The following DGKI variants were observed in gnomAD, a reference collection of about 807,000 sequenced individuals.
The protein encoded by DGKI is DAG kinase iota.
Under a neutral mutation model 147.5 loss-of-function variants are expected in DGKI, and 55 were observed. The observed-to-expected ratio is 0.37, with a 90% confidence interval of 0.30 to 0.47. DGKI has a LOEUF of 0.47. Among genes scored for constraint, DGKI ranks in the 20% least tolerant of loss-of-function variants. The pLI is 1.00. For synonymous variants in DGKI, 469 were observed against 477.1 expected (o/e 0.98, Z 0.22); for missense variants, 1,007 against 1,323.8 (o/e 0.76, Z 3.71).
intron 27 of DGKI, among the ~76,000 whole-genome samples, chr7:137,460,599 T>G (rs1378790273): frequency 6.6e-6 from 1 of 152,208 alleles, no homozygotes; most frequent in Admixed American, 6.5e-5. Context: ...TGCATTATAC[T>G]TACCAGTTGA....
At chr7:137,480,762 A>T (rs1048409897) in intron 23 of DGKI, among the ~76,000 whole-genome samples, 1 of 152,128 alleles carries the variant, frequency 6.6e-6, no homozygotes, top group Non-Finnish European at 1.5e-5. Flanking sequence ...CTATTTTTGC[A>T]ACTACAGGTG....
At chr7:137,443,811 C>A (rs1383415390) in intron 28 of DGKI, among the ~76,000 whole-genome samples, 1 of 152,196 alleles carries the variant, frequency 6.6e-6, no homozygotes, top group Non-Finnish European at 1.5e-5. Flanking sequence ...CAAAAAGTTT[C>A]TGCTGATGGG....
intron 28 of DGKI, among the ~76,000 whole-genome samples, chr7:137,429,085 A>G (rs1281484300): frequency 7.9e-5 from 12 of 151,848 alleles, no homozygotes; most frequent in Non-Finnish European, 1.5e-4. Context: ...AAAAGAGCCC[A>G]CATCACCAAG....
At chr7:137,438,651 A>T (rs1813374836) in intron 28 of DGKI, among the ~76,000 whole-genome samples, 1 of 152,194 alleles carries the variant, frequency 6.6e-6, no homozygotes, top group South Asian at 2.1e-4. Context: ...CAAGAGCAAA[A>T]CAAAAACAAA....
At chr7:137,751,641 A>G (rs1232746132) in intron 1 of DGKI, among the ~76,000 whole-genome samples, 6 of 152,214 alleles carry the variant, frequency 3.9e-5, no homozygotes, top group Non-Finnish European at 8.8e-5. Flanking sequence ...GTAAAGGAAA[A>G]GACTAAATTA....
At chr7:137,795,299 C>T (rs760198989) in intron 1 of DGKI, among the ~76,000 whole-genome samples, 1 of 152,196 alleles carries the variant, frequency 6.6e-6, no homozygotes, top group East Asian at 1.9e-4. Context: ...GCTGTGAAAA[C>T]CAGTGGCCTA....
chr7:137,435,437 G>A (rs567300102), intron 28 of DGKI, among the ~76,000 whole-genome samples: 2 of 152,272 alleles, frequency 1.3e-5, no homozygotes, highest in South Asian at 2.1e-4. Flanking sequence ...GAAGGTGCCT[G>A]CCAGAGAGAT....
chr7:137,460,475 T>C (rs1191313119), intron 27 of DGKI, among the ~76,000 whole-genome samples: 3 of 152,198 alleles, frequency 2.0e-5, no homozygotes, highest in South Asian at 2.1e-4. Flanking sequence ...TTCCAAAATA[T>C]ATGCATTATA....
intron 1 of DGKI, among the ~76,000 whole-genome samples, chr7:137,799,974 G>A (rs933464904): frequency 2.6e-5 from 4 of 152,060 alleles, no homozygotes; most frequent in Non-Finnish European, 5.9e-5. Flanking sequence ...TTTTCAGTAC[G>A]GTTCTCTCTA....
At chr7:137,523,156 G>C (rs1585196821) in intron 20 of DGKI, among the ~76,000 whole-genome samples, 1 of 152,058 alleles carries the variant, frequency 6.6e-6, no homozygotes, top group East Asian at 1.9e-4. Context: ...ATACATGAAA[G>C]AAGGGAATAC....
chr7:137,813,376 A>T (rs934787210), intron 1 of DGKI, among the ~76,000 whole-genome samples: 1 of 152,160 alleles, frequency 6.6e-6, no homozygotes, highest in Non-Finnish European at 1.5e-5. Context: ...GATGAACCCA[A>T]TGTTCATATT....
At chr7:137,554,826 A>T (rs1818166769) in intron 19 of DGKI, among the ~76,000 whole-genome samples, 1 of 151,864 alleles carries the variant, frequency 6.6e-6, no homozygotes, top group Non-Finnish European at 1.5e-5. Flanking sequence ...AGCGCAAGAG[A>T]TCATCTGCTT....
chr7:137,515,725 C>T (rs188309833), intron 21 of DGKI, among the ~76,000 whole-genome samples: 1 of 152,196 alleles, frequency 6.6e-6, no homozygotes, highest in Non-Finnish European at 1.5e-5. Context: ...ATGGGAATAA[C>T]AGTACTATCT....
intron 30 of DGKI, among the ~76,000 whole-genome samples, chr7:137,405,798 T>C (rs937406695): frequency 9.2e-5 from 14 of 152,114 alleles, no homozygotes; most frequent in African/African-American, 3.1e-4. Flanking sequence ...TGAGAAAGGC[T>C]TAGGTGTCCT....
rs1797074165 is a variant in DGKI at position 137,797,649 on chromosome 7, A to G, written c.401+48813T>C. Among the ~76,000 whole-genome samples, 4 of 152,170 alleles carry G rather than the reference A, an allele frequency of 2.6e-5. No individual in the cohort carries two copies. The South Asian group carries it at 6.2e-4, about 24-fold the overall frequency. On this transcript the variant is annotated intron_variant, in intron 1 of 32. Transcript: ENST00000614521. The stretch of plus-strand genomic sequence containing the variant: ...ATTTCAAATGTAATCCTCAGAAAAA[A>G]GCAGTAATAAAGTAACTCAAAAATA...
At chr7:137,549,006 G>T (rs1453833859) in intron 20 of DGKI, among the ~76,000 whole-genome samples, 1 of 152,054 alleles carries the variant, frequency 6.6e-6, no homozygotes, top group African/African-American at 2.4e-5. Context: ...TCCAGCCTCA[G>T]GTATTTCTTT....
intron 1 of DGKI, among the ~76,000 whole-genome samples, chr7:137,690,982 GT>G (rs1823584061): frequency 6.6e-6 from 1 of 152,198 alleles, no homozygotes; most frequent in South Asian, 2.1e-4. Flanking sequence ...GCGCTGATTT[GT>G]GATTGAACTA....
chr7:137,552,218 T>C, intron 20 of DGKI, 151 bp downstream of exon 20: 1 of 696,024 alleles, frequency 1.4e-6, no homozygotes, highest in Non-Finnish European at 2.4e-6. Flanking sequence ...AAAAACTCTA[T>C]GTGTTCCTAT....
At chr7:137,627,719 G>A (rs935680264) in intron 6 of DGKI, among the ~76,000 whole-genome samples, 2 of 152,208 alleles carry the variant, frequency 1.3e-5, no homozygotes. Context: ...AGTTTTAAAT[G>A]TATCATTATT....
Sources: allele counts gnomAD v4.1 joint callset (sites outside exome capture counted in the v4.1 genomes callset), GRCh38; gene constraint gnomAD v4.1.1; transcripts MANE v1.5; gene names NCBI Gene and HGNC (gene_info 2026-07-23, HGNC 2026-07-21).